Variants in AGMO observed in about 807,000 individuals in gnomAD.
AGMO encodes glyceryl-ether monooxygenase.
Under a neutral mutation model 60.2 loss-of-function variants are expected in AGMO, and 75 were observed. The ratio of observed to expected loss-of-function variants is 1.25; its 90% CI spans 1.03 to 1.51. The LOEUF (loss-of-function observed/expected upper bound fraction) is 1.51. AGMO is among the 40% of genes most tolerant of loss of function. AGMO has a pLI of 0.00. For missense variants in AGMO, 763 were observed against 525.5 expected (o/e 1.45, Z -4.42); for synonymous variants, 261 against 177.1 (o/e 1.47, Z -3.76).
At chr7:15,553,338 T>TAAATA (rs936414596) in intron 2 of AGMO, among the ~76,000 whole-genome samples, 4 of 150,406 alleles carry the variant, frequency 2.7e-5, no homozygotes, top group Admixed American at 6.6e-5. Context: ...AATAAATAAA[T>TAAATA]AAATAAAATA....
rs187206693 is a variant in AGMO, at chr7:15,452,402, G to C, written c.410-21294C>G. Among the ~76,000 whole-genome samples, 71 of 152,166 alleles carry C rather than the reference G, an allele frequency of 4.7e-4. No homozygotes were observed. In the East Asian group the frequency reaches 0.011, roughly 23 times the overall value. On this transcript the variant is annotated intron_variant, in intron 3 of 12. Coordinates refer to ENST00000342526, the MANE Select transcript of AGMO (RefSeq NM_001004320.2). ...ACAACTGAAAATAGAAAAACACACAGTCTTATTTTTAAATGGGCAATGTAT... is the reference window on the plus strand; with the variant it reads ...ACAACTGAAAATAGAAAAACACACACTCTTATTTTTAAATGGGCAATGTAT...
At chr7:15,315,416 CA>C (rs1780894657) in intron 12 of AGMO, among the ~76,000 whole-genome samples, 1 of 131,220 alleles carries the variant, frequency 7.6e-6, no homozygotes, top group Admixed American at 9.7e-5. Context: ...AGGCTAACTG[CA>C]ACCTCCGATT....
chr7:15,257,341 T>C (rs146277525), intron 12 of AGMO, among the ~76,000 whole-genome samples: 1 of 152,164 alleles, frequency 6.6e-6, no homozygotes, highest in Non-Finnish European at 1.5e-5. Flanking sequence ...GACATATTAA[T>C]ATTATAATGA....
At chr7:15,502,658 C>T (rs1349039780) in intron 3 of AGMO, among the ~76,000 whole-genome samples, 1 of 151,924 alleles carries the variant, frequency 6.6e-6, no homozygotes, top group Non-Finnish European at 1.5e-5. Context: ...GAAAGGAAGA[C>T]CTCAGTTTGG....
intron 12 of AGMO, among the ~76,000 whole-genome samples, chr7:15,300,340 T>C (rs891114612): frequency 2.6e-5 from 4 of 152,198 alleles, no homozygotes; most frequent in African/African-American, 9.6e-5. Context: ...TCCAGATTGA[T>C]GGTTTGGCAG....
rs771290913 is a variant in AGMO at position 15,394,104 on chromosome 7, C to T, written c.676+9G>A. The T allele has an allele frequency of 1.9e-6, 3 of 1,601,196 alleles. No individual in the cohort carries two copies. In the South Asian group the frequency reaches 3.3e-5, roughly 18 times the overall value. On this transcript the variant is annotated intron_variant, in intron 6 of 12. Coordinates refer to ENST00000342526, the MANE Select transcript of AGMO (RefSeq NM_001004320.2). ...TGAAGAAAAGAGAGAAGAAACAAAA[C>T]TTCCTTACCATGATGAACCCTATGA... is the stretch of plus-strand genomic sequence containing the variant.
chr7:15,234,443 T>A (rs372077645), intron 12 of AGMO, among the ~76,000 whole-genome samples: 1 of 152,356 alleles, frequency 6.6e-6, no homozygotes, highest in East Asian at 1.9e-4. Flanking sequence ...CGGTCTTGCC[T>A]ACATGCAAAC....
At chr7:15,514,999 T>C (rs1383627720) in intron 3 of AGMO, among the ~76,000 whole-genome samples, 2 of 152,218 alleles carry the variant, frequency 1.3e-5, no homozygotes, top group Non-Finnish European at 2.9e-5. Flanking sequence ...TTATCAAGTG[T>C]TGGCCTCCTC....
intron 12 of AGMO, among the ~76,000 whole-genome samples, chr7:15,364,569 G>A (rs950108005): frequency 8.6e-5 from 13 of 151,952 alleles, no homozygotes; most frequent in Admixed American, 1.3e-4. Flanking sequence ...AAATAATGCT[G>A]CAAGGAATAA....
At chr7:15,543,493 G>A (rs1045751496) in intron 3 of AGMO, among the ~76,000 whole-genome samples, 3 of 152,096 alleles carry the variant, frequency 2.0e-5, no homozygotes, top group African/African-American at 7.2e-5. Context: ...AGTGCATATG[G>A]TCAGCGCCTA....
chr7:15,394,090 G>C (rs748183815), intron 6 of AGMO, 23 bp downstream of exon 6: 3 of 1,565,858 alleles, frequency 1.9e-6, no homozygotes, highest in African/African-American at 1.4e-5. Context: ...GAAGAAAAGA[G>C]AGAAGAAACA....
At chr7:15,141,281 A>C in the AGMO span, among the ~76,000 whole-genome samples, 3 of 152,062 alleles carry the variant, frequency 2.0e-5, no homozygotes, top group African/African-American at 7.2e-5. Flanking sequence ...AACTAATATT[A>C]ATAGTATAAA....
chr7:15,277,806 C>T (rs73060448), intron 12 of AGMO, among the ~76,000 whole-genome samples: 5,460 of 152,252 alleles, frequency 0.036, 167 homozygotes, highest in South Asian at 0.061. Context: ...CATTGTGCCC[C>T]GAGTTTCCTG....
chr7:15,375,560 C>G (rs1416000023), intron 10 of AGMO, among the ~76,000 whole-genome samples: 1 of 151,900 alleles, frequency 6.6e-6, no homozygotes, highest in Admixed American at 6.6e-5. Context: ...CCGCACCCAG[C>G]TAATTTTTGT....
intron 8 of AGMO, 60 bp from the exon 9 acceptor site, chr7:15,387,600 A>G (rs994799667): frequency 4.9e-6 from 7 of 1,426,024 alleles, no homozygotes; most frequent in Non-Finnish European, 6.7e-6. Flanking sequence ...ATTAAATACC[A>G]AAAGTTATGT....
chr7:15,193,136 T>A, the AGMO span, among the ~76,000 whole-genome samples: 1 of 152,156 alleles, frequency 6.6e-6, no homozygotes, highest in South Asian at 2.1e-4. Flanking sequence ...TCAAAAGTGT[T>A]GACACTTGCA....
intron 12 of AGMO, among the ~76,000 whole-genome samples, chr7:15,278,234 T>A (rs1037628531): frequency 1.3e-5 from 2 of 152,070 alleles, no homozygotes; most frequent in Non-Finnish European, 2.9e-5. Flanking sequence ...CTGCTTCATG[T>A]ACAGAAGGGG....
chr7:15,188,272 A>G, the AGMO span, among the ~76,000 whole-genome samples: 1 of 152,298 alleles, frequency 6.6e-6, no homozygotes, highest in Non-Finnish European at 1.5e-5. Flanking sequence ...AAACTGCTTA[A>G]GTCTCACTCA....
the AGMO span, among the ~76,000 whole-genome samples, chr7:15,153,494 G>A: frequency 6.6e-6 from 1 of 152,020 alleles, no homozygotes; most frequent in East Asian, 1.9e-4. Context: ...TGAAGTCTTT[G>A]ATCCATTTTG....
Sources: gnomAD v4.1 joint callset for allele counts (sites outside exome capture counted in the v4.1 genomes callset) on GRCh38, gnomAD v4.1.1 for gene constraint, MANE v1.5 for transcripts, NCBI Gene and HGNC (gene_info 2026-07-23, HGNC 2026-07-21) for gene names.